DLGAP4: variants seen among roughly 807,000 people sequenced by gnomAD.
DLGAP4 encodes DLG associated protein 4, also known as disks large-associated protein 4.
Under a neutral mutation model 86.9 loss-of-function variants are expected in DLGAP4, and 18 were observed. That is an observed-to-expected ratio of 0.21 (90% CI 0.14 to 0.31). The LOEUF (loss-of-function observed/expected upper bound fraction) is 0.31. Ranked by LOEUF, DLGAP4 falls within the 10% of genes least tolerant of loss-of-function variation. The pLI, the probability that DLGAP4 is intolerant of heterozygous loss-of-function variation, is 1.00. For missense variants in DLGAP4, 1,085 were observed against 1,362.6 expected (o/e 0.80, Z 3.21); for synonymous variants, 548 against 574.3 (o/e 0.95, Z 0.65).
intron 1 of DLGAP4, among the ~76,000 whole-genome samples, chr20:36,344,434 C>T (rs143758488): frequency 1.3e-3 from 196 of 152,316 alleles, no homozygotes; most frequent in African/African-American, 4.5e-3. Flanking sequence ...TACTGGGCCC[C>T]TCCATCTACC....
At position 36,508,479 on chromosome 20, in the gene DLGAP4, T is replaced by C. The variant is rs142892303; in HGVS notation, c.2512+7868T>C. ...GTTTCTCTCGTTACCTAGTCTGGAG[T>C]GCAATGGCGCGATCTCGGCTCACCG... On this transcript the variant is annotated intron_variant, in intron 10 of 12. Coordinates refer to ENST00000339266, the MANE Select transcript of DLGAP4 (RefSeq NM_001365621.2). 3.4e-3 allele frequency among the ~76,000 whole-genome samples: 503 copies of C among 146,142 alleles called. 5 individuals are homozygous for C. The highest frequency in any genetic ancestry group is 0.012 in the African/African-American group (469 of 39,140).
At chr20:36,316,809 G>A (rs1001148846) in intron 1 of DLGAP4, among the ~76,000 whole-genome samples, 1 of 152,064 alleles carries the variant, frequency 6.6e-6, no homozygotes, top group Non-Finnish European at 1.5e-5. Context: ...ATTGCAGCCC[G>A]TCACTCCTCT....
intron 1 of DLGAP4, among the ~76,000 whole-genome samples, chr20:36,315,018 TG>T (rs1313004503): frequency 1.2e-3 from 7 of 5,790 alleles, no homozygotes; most frequent in Non-Finnish European, 2.5e-3. Context: ...GGTGCGTGTG[TG>T]GTGGTGTGAG....
At chr20:36,357,834 G>T (rs1365581464) in intron 1 of DLGAP4, among the ~76,000 whole-genome samples, 1 of 152,234 alleles carries the variant, frequency 6.6e-6, no homozygotes, top group African/African-American at 2.4e-5. Context: ...GTCAGCAAGT[G>T]GGACGGGAGG....
At chr20:36,428,478 A>C (rs1339122155) in intron 2 of DLGAP4, among the ~76,000 whole-genome samples, 1 of 152,190 alleles carries the variant, frequency 6.6e-6, no homozygotes, top group African/African-American at 2.4e-5. Context: ...AAGAGATGGG[A>C]ACAAGGTTGG....
Position 36,496,926 on chromosome 20 carries a change from G to T in DLGAP4, c.1870G>T (p.Gly624Cys). 1 of 1,614,180 alleles carries T rather than the reference G, an allele frequency of 6.2e-7. No homozygotes were observed. The highest frequency in any genetic ancestry group is 1.1e-5 in the South Asian group (1 of 91,082). The change falls in exon 8 of 13, where the codon GGT (glycine) becomes TGT (cysteine). Residue 624 changes from glycine (G) to cysteine (C), a missense_variant. This residue lies in a region of DLGAP4 where 1,082 missense variants were observed against 1,344.1 expected (regional missense o/e 0.81). Coordinates refer to ENST00000339266, the MANE Select transcript of DLGAP4 (RefSeq NM_001365621.2). Reference protein sequence around the residue: ...SSTRPPSVTRGGVAPAPEAPE... With the variant: ...SSTRPPSVTRCGVAPAPEAPE... ...TACCCGACCGCCCAGCGTGACACGGGGTGGAGTCGCCCCAGCCCCTGAGGC... is the reference window on the plus strand; with the variant it reads ...TACCCGACCGCCCAGCGTGACACGGTGTGGAGTCGCCCCAGCCCCTGAGGC...
At chr20:36,484,600 T>G (rs976110021) in intron 7 of DLGAP4, among the ~76,000 whole-genome samples, 4 of 152,246 alleles carry the variant, frequency 2.6e-5, no homozygotes, top group Non-Finnish European at 5.9e-5. Context: ...GACCTGGCCT[T>G]CCGGCCAAAA....
intron 7 of DLGAP4, among the ~76,000 whole-genome samples, chr20:36,486,050 A>C (rs1458043354): frequency 6.6e-6 from 1 of 152,132 alleles, no homozygotes; most frequent in Non-Finnish European, 1.5e-5. Context: ...TTAGATCCAA[A>C]CTAAAAGACC....
At chr20:36,359,148 G>C (rs1437278763) in intron 1 of DLGAP4, among the ~76,000 whole-genome samples, 1 of 152,060 alleles carries the variant, frequency 6.6e-6, no homozygotes, top group Non-Finnish European at 1.5e-5. Flanking sequence ...TTTTGAGACA[G>C]AGTCTCTGTC....
At chr20:36,349,906 G>A (rs1181542577) in intron 1 of DLGAP4, among the ~76,000 whole-genome samples, 1 of 152,164 alleles carries the variant, frequency 6.6e-6, no homozygotes, top group East Asian at 1.9e-4. Flanking sequence ...GCGTCCCAGG[G>A]GATGGGCTGT....
chr20:36,352,320 G>A (rs1555893525), intron 1 of DLGAP4, among the ~76,000 whole-genome samples: 1 of 152,104 alleles, frequency 6.6e-6, no homozygotes, highest in African/African-American at 2.4e-5. Flanking sequence ...AGGGCTTTGA[G>A]CAGAGACTGT....
chr20:36,338,573 AAAACAAACAAAC>A (rs563482183), intron 1 of DLGAP4, among the ~76,000 whole-genome samples: 5 of 152,164 alleles, frequency 3.3e-5, no homozygotes, highest in Non-Finnish European at 7.4e-5. Context: ...ACTCCATCTC[AAAACAAACAAAC>A]AAACAAACAA....
chr20:36,525,249 AAAAAAC>A lies in DLGAP4; in HGVS notation c.2605-598_2605-593del, dbSNP rs1163894582. 2.0e-3 allele frequency among the ~76,000 whole-genome samples: 144 copies of A among 72,804 alleles called. 25 individuals are homozygous for A. Among genetic ancestry groups the A allele is most frequent in the Admixed American group, 3.7e-3 (23 of 6,288 alleles). 47.8% of individuals were successfully genotyped at this position (72,804 alleles called of 152,430 possible). On this transcript the variant is annotated intron_variant, in intron 11 of 12. Transcript: ENST00000339266. ...AAAAAAAAAAAAAAAAAAAAAAAAA[AAAAAAC>A]AAAGAAATCCCACTGCTGGGATTGG...
chr20:36,501,829 C>T lies in DLGAP4; in HGVS notation c.2512+1218C>T, dbSNP rs1423475301. ...GCCAGTTCCCCGCTTTGATGTCACACCCACTAGTGCAGGGGAACTGTTGTG... is the reference window on the plus strand; with the variant it reads ...GCCAGTTCCCCGCTTTGATGTCACATCCACTAGTGCAGGGGAACTGTTGTG... On this transcript the variant is annotated intron_variant, in intron 10 of 12. Coordinates refer to ENST00000339266, the MANE Select transcript of DLGAP4 (RefSeq NM_001365621.2). Among the ~76,000 whole-genome samples the T allele has an allele frequency of 7.9e-5, 12 of 152,300 alleles. No homozygotes were observed. The East Asian group carries it at 2.3e-3, about 29-fold the overall frequency.
intron 6 of DLGAP4, among the ~76,000 whole-genome samples, chr20:36,445,827 C>T (rs1272302381): frequency 6.6e-6 from 1 of 152,196 alleles, no homozygotes; most frequent in African/African-American, 2.4e-5. Context: ...CTGTGGTCTT[C>T]AGTTACCAAC....
At chr20:36,489,855 CTTTT>C (rs764797081) in intron 7 of DLGAP4, among the ~76,000 whole-genome samples, 21 of 108,016 alleles carry the variant, frequency 1.9e-4, no homozygotes, top group Middle Eastern at 4.3e-3. Context: ...GCTAATTCTT[CTTTT>C]TTTTTTTTTT....
chr20:36,522,322 C>G (rs905574079), intron 10 of DLGAP4, among the ~76,000 whole-genome samples: 3 of 151,996 alleles, frequency 2.0e-5, no homozygotes. Flanking sequence ...CCACACCCAG[C>G]TAATTTTTGA....
At chr20:36,511,095 TCTC>T (rs1290478603) in intron 10 of DLGAP4, 1 of 152,222 alleles carries the variant, frequency 6.6e-6, no homozygotes, top group Admixed American at 6.5e-5. Context: ...TATTGAATCT[TCTC>T]AACTATAAGT....
chr20:36,442,684 C>T (rs376642557), intron 5 of DLGAP4, 43 bp from the exon 6 acceptor site: 2 of 1,611,654 alleles, frequency 1.2e-6, no homozygotes, highest in African/African-American at 2.7e-5. Context: ...ACCCCAGCCC[C>T]AGCCCTGGTC....
Sources: gnomAD v4.1 joint callset for allele counts (sites outside exome capture counted in the v4.1 genomes callset) on GRCh38, gnomAD v4.1.1 for gene constraint, gnomAD v4.1.1 regional missense constraint, MANE v1.5 for transcripts, NCBI Gene and HGNC (gene_info 2026-07-23, HGNC 2026-07-21) for gene names.